Variants in ACTA2 observed in about 807,000 individuals in gnomAD.
ACTA2 encodes actin, aortic smooth muscle.
Under a neutral mutation model 39.5 loss-of-function variants are expected in ACTA2, and 12 were observed. The ratio of observed to expected loss-of-function variants is 0.30; its 90% CI spans 0.19 to 0.49. ACTA2 has a LOEUF of 0.49. Among genes scored for constraint, ACTA2 ranks in the 20% least tolerant of loss-of-function variants. The pLI, the probability that ACTA2 is intolerant of heterozygous loss-of-function variation, is 0.99. For missense variants in ACTA2, 236 were observed against 498.8 expected, an observed-to-expected ratio of 0.47 and a Z score of 5.02; for synonymous variants, 158 against 180.6, an observed-to-expected ratio of 0.88 and a Z score of 1.00.
chr10:88,950,321 G>C (rs994402987), intron 1 of ACTA2, among the ~76,000 whole-genome samples: 5 of 152,158 alleles, frequency 3.3e-5, no homozygotes, highest in Non-Finnish European at 5.9e-5. Flanking sequence ...TCTTCTAAAT[G>C]GGTTAACTGA....
chr10:88,971,463 T>G (rs1846445905), intron 1 of ACTA2, among the ~76,000 whole-genome samples: 1 of 152,226 alleles, frequency 6.6e-6, no homozygotes, highest in Admixed American at 6.5e-5. Context: ...TCTGAGTGTT[T>G]GGGTAAACAG....
intron 8 of ACTA2, among the ~76,000 whole-genome samples, chr10:88,937,668 G>A (rs1036250187): frequency 6.6e-5 from 10 of 152,146 alleles, no homozygotes; most frequent in African/African-American, 2.4e-4. Flanking sequence ...AATCTACAGT[G>A]TTTGAAGTTC....
intron 1 of ACTA2, among the ~76,000 whole-genome samples, chr10:88,976,096 G>A (rs1589420371): frequency 6.6e-6 from 1 of 152,140 alleles, no homozygotes; most frequent in African/African-American, 2.4e-5. Flanking sequence ...AATATAATGT[G>A]TAATACAGGG....
At chr10:88,944,076 G>A (rs574996078) in intron 3 of ACTA2, among the ~76,000 whole-genome samples, 169 bp from the exon 4 acceptor site, 5 of 152,330 alleles carry the variant, frequency 3.3e-5, no homozygotes, top group Admixed American at 2.0e-4. Flanking sequence ...CTCAAAGTGT[G>A]TAAGTACCTT....
At chr10:88,973,965 C>T (rs1182598843) in intron 1 of ACTA2, 1 of 152,178 alleles carries the variant, frequency 6.6e-6, no homozygotes, top group Non-Finnish European at 1.5e-5. Context: ...CCACGCCCAG[C>T]TAATTTTTGT....
chr10:88,946,429 C>T (rs1845950362), intron 3 of ACTA2, among the ~76,000 whole-genome samples: 1 of 151,742 alleles, frequency 6.6e-6, no homozygotes, highest in Admixed American at 6.6e-5. Flanking sequence ...GAGATAGGAT[C>T]TCACTCTGTC....
upstream of ACTA2, among the ~76,000 whole-genome samples, chr10:88,955,315 G>A (rs1277642999): frequency 1.3e-5 from 2 of 152,178 alleles, no homozygotes; most frequent in Non-Finnish European, 2.9e-5. Context: ...ATTTTCTGCT[G>A]GTGCCGAAAA....
At chr10:88,965,500 C>A (rs1361433475) in intron 1 of ACTA2, among the ~76,000 whole-genome samples, 1 of 152,154 alleles carries the variant, frequency 6.6e-6, no homozygotes, top group South Asian at 2.1e-4. Context: ...AACATAAAAG[C>A]CTTGCCCTAT....
rs1408992868 is a variant in ACTA2 at position 88,965,527 on chromosome 10, G to A, written c.-23-16574C>T. ...TTGCCCTATTTTCCTTAAGCAGCAC[G>A]CGGCTGCCTAGTGTACTTGCCTTAG... On this transcript the variant is annotated intron_variant, in intron 1 of 4. Coordinates refer to the ACTA2 transcript ENST00000415557. 2.0e-5 allele frequency among the ~76,000 whole-genome samples: 3 copies of A among 152,244 alleles called. No homozygotes were observed. The East Asian group carries it at 5.8e-4, about 29-fold the overall frequency.
At chr10:88,958,256 A>G (rs1846169921) in intron 1 of ACTA2, among the ~76,000 whole-genome samples, 1 of 152,228 alleles carries the variant, frequency 6.6e-6, no homozygotes, top group Non-Finnish European at 1.5e-5. Context: ...ATTGAACTGA[A>G]CTGAATAAAG....
At chr10:88,963,419 G>GAGTAAGGGATTACAC (rs60580360) in intron 1 of ACTA2, among the ~76,000 whole-genome samples, 1 of 151,518 alleles carries the variant, frequency 6.6e-6, no homozygotes, top group Non-Finnish European at 1.5e-5. Context: ...TACTCGTCAG[G>GAGTAAGGGATTACAC]AGTAAGTCTG....
intron 1 of ACTA2, among the ~76,000 whole-genome samples, chr10:88,970,158 T>C (rs1213211968): frequency 3.9e-5 from 6 of 152,116 alleles, no homozygotes; most frequent in Non-Finnish European, 8.8e-5. Context: ...AAAGAAAGGT[T>C]TTACTGTACT....
intron 2 of ACTA2, chr10:88,948,554 A>G (rs1037404326): frequency 1.2e-4 from 53 of 456,186 alleles, no homozygotes; most frequent in South Asian, 1.7e-4. Context: ...TGATGATGAT[A>G]ATGACTATAT....
In ACTA2 at chr10:88,943,843, G is replaced by A. The variant is rs886038789; in HGVS notation, c.323C>T (p.Thr108Met). The change falls in exon 4 of 9, where the codon ACG (threonine) becomes ATG (methionine). Residue 108 changes from threonine to methionine, a missense_variant. By Grantham distance (81) the Thr-to-Met change is moderately conservative. Coordinates refer to ENST00000224784, the MANE Select transcript of ACTA2 (RefSeq NM_001613.4). Reference sequence around the variant, plus strand: ...GGCCTTGGGGTTCAGGGGTGCCTCCGTGAGCAGGGTGGGATGCTCTTCAGG... The same window carrying A: ...GGCCTTGGGGTTCAGGGGTGCCTCCATGAGCAGGGTGGGATGCTCTTCAGG... ...VAPEEHPTLL[T>M]EAPLNPKANR... 2 of 1,614,006 alleles carry A rather than the reference G, an allele frequency of 1.2e-6. No individual in the cohort carries two copies. Among genetic ancestry groups the A allele is most frequent in the Admixed American group, 1.7e-5 (1 of 60,014 alleles).
intron 1 of ACTA2, among the ~76,000 whole-genome samples, chr10:88,980,020 C>T (rs527817459): frequency 6.6e-6 from 1 of 152,344 alleles, no homozygotes; most frequent in African/African-American, 2.4e-5. Flanking sequence ...TCTGTAGTTT[C>T]AGAAGATGGC....
At position 88,948,938 on chromosome 10, in the gene ACTA2, G is replaced by T. The variant is rs200346383; in HGVS notation, c.-8C>A. The stretch of plus-strand genomic sequence containing the variant: ...GTCCTCTTCTTCACACATAGCTGGA[G>T]CTGCTTCACAGGATTCTATAGAAAA... On this transcript the variant is annotated 5_prime_UTR_variant, in exon 2 of 9. Transcript: ENST00000224784. 1 of 1,613,594 alleles carries T rather than the reference G, an allele frequency of 6.2e-7. No individual in the cohort carries two copies. The highest frequency in any genetic ancestry group is 8.5e-7 in the Non-Finnish European group (1 of 1,179,648).
chr10:88,980,069 GA>G (rs1846673290), intron 1 of ACTA2, among the ~76,000 whole-genome samples: 1 of 152,208 alleles, frequency 6.6e-6, no homozygotes, highest in Admixed American at 6.5e-5. Flanking sequence ...CTTTCCACTT[GA>G]AATTTTATTT....
At chr10:88,941,911 T>C in intron 4 of ACTA2, 42 bp from the exon 5 acceptor site, 1 of 1,561,658 alleles carries the variant, frequency 6.4e-7, no homozygotes, top group South Asian at 1.2e-5. Flanking sequence ...AAGGTGCCCA[T>C]CTGACAAAGA....
chr10:88,981,388 T>C (rs1846707411), intron 1 of ACTA2, among the ~76,000 whole-genome samples: 1 of 151,966 alleles, frequency 6.6e-6, no homozygotes, highest in African/African-American at 2.4e-5. Context: ...AATGACTTTT[T>C]TTTTTTAAAG....
Sources: gnomAD v4.1 joint callset for allele counts (sites outside exome capture counted in the v4.1 genomes callset) on GRCh38, gnomAD v4.1.1 for gene constraint, MANE v1.5 for transcripts, NCBI Gene and HGNC (gene_info 2026-07-23, HGNC 2026-07-21) for gene names.